Variants in MICAL2 observed in about 807,000 individuals in gnomAD.
MICAL2 encodes the protein [F-actin]-monooxygenase MICAL2.
In MICAL2, 77 loss-of-function variants were observed where a neutral mutation model predicts 127.3. The observed-to-expected ratio is 0.60, with a 90% CI of 0.50 to 0.73. MICAL2 has a LOEUF of 0.73. Among genes scored for constraint, MICAL2 ranks in the 30% least tolerant of loss-of-function variants. MICAL2 has a pLI of 0.00. For synonymous variants in MICAL2, 570 were observed against 551.1 expected (o/e 1.03, Z -0.48); for missense variants, 1,351 against 1,434.4 (o/e 0.94, Z 0.94).
rs547968553 is a variant in MICAL2, at chr11:12,152,379, A to C, written c.-77-9700A>C. ...AGACTACATCCTGATGTGGTGTGCA[A>C]GACAGTAGTGCTTGTGTGCCTGTGG... On this transcript the variant is annotated intron_variant, in intron 2 of 27. Transcript: ENST00000683283. 2.0e-5 allele frequency among the ~76,000 whole-genome samples: 3 copies of C among 151,862 alleles called. No individual in the cohort carries two copies. In the South Asian group the frequency reaches 6.3e-4, roughly 32 times the overall value.
At chr11:12,238,326 T>G (rs1859378048) in intron 16 of MICAL2, among the ~76,000 whole-genome samples, 1 of 152,166 alleles carries the variant, frequency 6.6e-6, no homozygotes, top group Non-Finnish European at 1.5e-5. Flanking sequence ...CATTTTCAAT[T>G]TTTCACTGTT....
At chr11:12,223,250 CTA>C (rs1857030878) in intron 11 of MICAL2, among the ~76,000 whole-genome samples, 159 bp from the exon 12 acceptor site, 1 of 152,220 alleles carries the variant, frequency 6.6e-6, no homozygotes, top group Non-Finnish European at 1.5e-5. Flanking sequence ...GCCCATTGCT[CTA>C]TGACTGAAGT....
At chr11:12,260,959 A>G (rs750359735) in intron 26 of MICAL2, 7 of 985,492 alleles carry the variant, frequency 7.1e-6, no homozygotes, top group Non-Finnish European at 8.4e-6. Context: ...GCATTTGACC[A>G]TGGAGCTGAT....
chr11:12,213,493 C>T, intron 7 of MICAL2, 83 bp downstream of exon 7: 1 of 1,430,606 alleles, frequency 7.0e-7, no homozygotes, highest in Non-Finnish European at 9.4e-7. Flanking sequence ...TGCTGGCTTT[C>T]TGGGCTCTTG....
intron 12 of MICAL2, 179 bp from the exon 13 acceptor site, chr11:12,224,494 A>T (rs766747038): frequency 1.5e-6 from 1 of 676,470 alleles, no homozygotes; most frequent in Non-Finnish European, 2.5e-6. Context: ...ACTCCTGACC[A>T]GGCCCCCAAG....
chr11:12,259,011 T>C (rs1319444214), intron 25 of MICAL2, among the ~76,000 whole-genome samples: 4 of 152,254 alleles, frequency 2.6e-5, no homozygotes, highest in African/African-American at 4.8e-5. Flanking sequence ...ATAGATGGTT[T>C]GTGGAAGCAT....
rs1254640218 is a variant in MICAL2 at position 12,208,387 on chromosome 11, G to A, written c.589+248G>A. 1.8e-5 allele frequency: 7 copies of A among 387,064 alleles called. No homozygotes were observed. The Admixed American group carries it at 2.9e-4, about 16-fold the overall frequency. 24.0% of individuals were successfully genotyped at this position (387,064 alleles called of 1,614,324 possible). ...TTTGGTTACCCTGTCCCAAGGGGTT[G>A]CTACTTTGGCAAAGGAAATCTAATC... On this transcript the variant is annotated intron_variant, in intron 5 of 27. Coordinates refer to ENST00000683283, the MANE Select transcript of MICAL2 (RefSeq NM_001282663.2).
chr11:12,180,814 G>C (rs578088924), intron 3 of MICAL2, among the ~76,000 whole-genome samples: 3 of 151,536 alleles, frequency 2.0e-5, no homozygotes, highest in African/African-American at 7.3e-5. Context: ...AAATGGGAAA[G>C]ATATGAGATA....
intron 2 of MICAL2, among the ~76,000 whole-genome samples, chr11:12,156,651 C>A (rs1190426964): frequency 6.6e-6 from 1 of 152,168 alleles, no homozygotes; most frequent in Non-Finnish European, 1.5e-5. Flanking sequence ...GGAAAGCCAG[C>A]CCTACCTGGG....
Position 12,356,534 on chromosome 11 carries a change from T to C in MICAL2, c.5689+1677T>C, listed in dbSNP as rs1048419190. Among the ~76,000 whole-genome samples the C allele has an allele frequency of 3.3e-5, 5 of 152,150 alleles. No homozygotes were observed. The East Asian group carries it at 7.7e-4, about 23-fold the overall frequency. ...AGTCCCCTCATGGCATCCCCCATCA[T>C]TGGGCTGCAACTCTCTCTGGTGGCA... On this transcript the variant is annotated intron_variant, in intron 34 of 34. Transcript: ENST00000646065.
chr11:12,315,770 C>T (rs897961149), intron 29 of MICAL2, among the ~76,000 whole-genome samples: 5 of 152,132 alleles, frequency 3.3e-5, no homozygotes, highest in African/African-American at 9.7e-5. Context: ...ATAGCGTGTA[C>T]AAGTCGCATA....
intron 33 of MICAL2, among the ~76,000 whole-genome samples, chr11:12,351,088 C>T (rs574787059): frequency 6.6e-6 from 1 of 152,286 alleles, no homozygotes; most frequent in African/African-American, 2.4e-5. Context: ...CTGAGATAAT[C>T]CAGAATGTTC....
intron 3 of MICAL2, among the ~76,000 whole-genome samples, chr11:12,178,494 G>A (rs1457059144): frequency 6.6e-6 from 1 of 151,970 alleles, no homozygotes; most frequent in Non-Finnish European, 1.5e-5. Flanking sequence ...GGGGCTTCCA[G>A]GACATAGGTG....
intron 3 of MICAL2, among the ~76,000 whole-genome samples, chr11:12,168,697 C>T (rs1238460591): frequency 6.6e-6 from 1 of 150,928 alleles, no homozygotes; most frequent in African/African-American, 2.4e-5. Context: ...GAAAAAAATG[C>T]CTGCTCATGA....
At chr11:12,204,531 A>C (rs1348495877) in intron 4 of MICAL2, 74 bp downstream of exon 4, 5 of 1,442,558 alleles carry the variant, frequency 3.5e-6, no homozygotes, top group Non-Finnish European at 4.8e-6. Flanking sequence ...CTCCAGGTCT[A>C]GGAGTCCCCA....
chr11:12,152,592 G>A (rs1289192199), intron 2 of MICAL2, among the ~76,000 whole-genome samples: 1 of 152,096 alleles, frequency 6.6e-6, no homozygotes, highest in Non-Finnish European at 1.5e-5. Flanking sequence ...ATATTTCACA[G>A]GTGCAGAGTG....
chr11:12,337,090 GT>G (rs1938777257), intron 32 of MICAL2, among the ~76,000 whole-genome samples: 1 of 151,960 alleles, frequency 6.6e-6, no homozygotes. Context: ...TCCTGGACTT[GT>G]TTTGGTTGGT....
intron 29 of MICAL2, among the ~76,000 whole-genome samples, chr11:12,301,525 T>C (rs1864046935): frequency 6.6e-6 from 1 of 152,186 alleles, no homozygotes; most frequent in Admixed American, 6.5e-5. Context: ...TAAAGATAAA[T>C]AAAGCTGGAC....
At chr11:12,182,328 G>T (rs1857575427) in intron 3 of MICAL2, among the ~76,000 whole-genome samples, 1 of 152,138 alleles carries the variant, frequency 6.6e-6, no homozygotes, top group African/African-American at 2.4e-5. Context: ...AGTGTAGTGG[G>T]TCAGGGGTGG....
Sources: gnomAD v4.1 joint callset for allele counts (sites outside exome capture counted in the v4.1 genomes callset) on GRCh38, gnomAD v4.1.1 for gene constraint, MANE v1.5 for transcripts, NCBI Gene and HGNC (gene_info 2026-07-23, HGNC 2026-07-21) for gene names.